Variants in FGD2 observed in about 807,000 individuals in gnomAD.
FGD2 encodes FYVE, RhoGEF and PH domain containing 2, also known as FYVE, RhoGEF and PH domain-containing protein 2.
Under a neutral mutation model 75.9 loss-of-function variants are expected in FGD2, and 52 were observed. The ratio of observed to expected loss-of-function variants is 0.69; its 90% CI spans 0.55 to 0.86. FGD2 has a LOEUF of 0.86. FGD2 is among the 40% of genes least tolerant of loss of function. The probability of loss-of-function intolerance (pLI) is 0.00; values close to 1 mark genes in which losing one functional copy is unlikely to be tolerated. For missense variants in FGD2, 790 were observed against 872.0 expected (o/e 0.91, Z 1.18); for synonymous variants, 347 against 348.6 (o/e 1.00, Z 0.05).
chr6:37,025,919 A>T lies in FGD2; in HGVS notation c.1586A>T (p.Lys529Met). The change falls in exon 14 of 16, where the codon AAG becomes ATG. Residue 529 changes from lysine to methionine, a missense_variant. Lys to Met is a moderately conservative substitution (Grantham distance 95). Transcript: ENST00000274963. The stretch of plus-strand genomic sequence containing the variant: ...GTGCTGCCTGAGGCCAAGGAGGACA[A>T]GAGGCGGGGCATCCTGGAGGTGAGG... ...GNVLPEAKED[K>M]RRGILEKGSS... The T allele has an allele frequency of 6.2e-7, 1 of 1,614,188 alleles. No homozygotes were observed. The highest frequency in any genetic ancestry group is 1.6e-4 in the Middle Eastern group (1 of 6,062).
At chr6:37,013,463 G>A in intron 4 of FGD2, 146 bp from the exon 5 acceptor site, 1 of 1,439,658 alleles carries the variant, frequency 6.9e-7, no homozygotes, top group Non-Finnish European at 9.1e-7. Flanking sequence ...GCGCATGTGA[G>A]GATGACACCC....
In FGD2 at chr6:37,028,390, G is replaced by T; in HGVS notation, c.*227G>T. 1 of 503,570 alleles carries T rather than the reference G, an allele frequency of 2.0e-6. No individual in the cohort carries two copies. The highest frequency in any genetic ancestry group is 3.4e-5 in the Admixed American group (1 of 29,296). The allele number at this position is 503,570 out of a possible 1,614,324, so 31.2% of individuals were successfully genotyped here. ...TGTCTCAGTTTGCCTTGCGGGGAGG[G>T]GGCTCCTGGGCCATGGGACTTCCAG... On this transcript the variant is annotated 3_prime_UTR_variant, in exon 16 of 16. Transcript: ENST00000274963.
rs1764724486 is a variant in FGD2 at position 37,005,867 on chromosome 6, C to T, written c.50C>T (p.Thr17Ile). The T allele has an allele frequency of 6.2e-7, 1 of 1,613,748 alleles. No individual in the cohort carries two copies. Among genetic ancestry groups the T allele is most frequent in the Admixed American group, 1.7e-5 (1 of 60,008 alleles). ...EKLASVSNLVTVFENSRTPEA... is the reference protein window; with the variant it reads ...EKLASVSNLVIVFENSRTPEA... ...CTGGCATCTGTGTCCAACCTGGTCA[C>T]TGTGTTTGAGAATAGCAGGTATGGG... is the stretch of plus-strand genomic sequence containing the variant. The change falls in exon 1 of 16, where the codon ACT (threonine) becomes ATT (isoleucine). Residue 17 changes from threonine to isoleucine, a missense_variant. Transcript: ENST00000274963.
Position 37,005,810 on chromosome 6 carries a change from C to T in FGD2, c.-8C>T. On this transcript the variant is annotated 5_prime_UTR_variant, in exon 1 of 16. Coordinates refer to ENST00000274963, the MANE Select transcript of FGD2 (RefSeq NM_173558.4). Reference sequence around the variant, plus strand: ...GGGTAGCTGAGATCCACCCCGGAAACCGGCAGGATGAAGGGGGCAAGTGAG... The same window carrying T: ...GGGTAGCTGAGATCCACCCCGGAAATCGGCAGGATGAAGGGGGCAAGTGAG... 1.9e-6 allele frequency: 3 copies of T among 1,613,646 alleles called. No individual in the cohort carries two copies. Among genetic ancestry groups the T allele is most frequent in the Non-Finnish European group, 1.7e-6 (2 of 1,179,930 alleles).
At chr6:37,008,575 A>G (rs1450424995) in intron 1 of FGD2, among the ~76,000 whole-genome samples, 2 of 152,212 alleles carry the variant, frequency 1.3e-5, no homozygotes, top group African/African-American at 4.8e-5. Flanking sequence ...CTGTGGCTTC[A>G]TTTTAAACAA....
At chr6:37,025,594 C>A in intron 13 of FGD2, 198 bp from the exon 14 acceptor site, 1 of 602,730 alleles carries the variant, frequency 1.7e-6, no homozygotes. Flanking sequence ...CGAGCTCCCC[C>A]ATGTGTCGCA....
intron 1 of FGD2, among the ~76,000 whole-genome samples, chr6:37,008,540 T>C (rs1280582184): frequency 6.6e-6 from 1 of 152,132 alleles, no homozygotes; most frequent in East Asian, 1.9e-4. Flanking sequence ...CAAAAACCCC[T>C]ATATACAGAA....
rs371584946 is a variant in FGD2, at chr6:37,013,631, GA to G, written c.551del (p.Asp184AlafsTer2). The G allele has an allele frequency of 4.3e-5, 69 of 1,614,048 alleles. No homozygotes were observed. In the East Asian group the frequency reaches 1.5e-3, roughly 35 times the overall value. On this transcript the variant is annotated frameshift_variant, in exon 5 of 16. Transcript: ENST00000274963. LOFTEE classifies it high-confidence loss of function. ...DDWTANPRIG[D>X]VIQKLAPFLK... ...CAGGACAGCTAACCCCCGCATCGGT[GA>G]CGTGATCCAGAAGCTGGCCCCCTTC... is the stretch of plus-strand genomic sequence containing the variant.
chr6:37,024,603 A>G (rs917249956), intron 13 of FGD2: 1 of 152,144 alleles, frequency 6.6e-6, no homozygotes, highest in African/African-American at 2.4e-5. Context: ...TATTTGTTCA[A>G]TTTGTCTGTC....
rs539627477 is a variant in FGD2 at position 37,027,318 on chromosome 6, C to G, written c.1606-111C>G. ...TCTGAGCCTCAAGGACCAAGGACCCCTCCATTCAGTACTGCTGTAAGGATT... is the reference window on the plus strand; with the variant it reads ...TCTGAGCCTCAAGGACCAAGGACCCGTCCATTCAGTACTGCTGTAAGGATT... On this transcript the variant is annotated intron_variant, in intron 14 of 15. Transcript: ENST00000274963. 7 of 1,291,800 alleles carry G rather than the reference C, an allele frequency of 5.4e-6. No homozygotes were observed. In the Admixed American group the frequency reaches 1.2e-4, roughly 21 times the overall value. The allele number at this position is 1,291,800 out of a possible 1,614,324, so 80.0% of individuals were successfully genotyped here.
chr6:37,015,099 C>T, intron 8 of FGD2, 61 bp downstream of exon 8: 1 of 1,568,906 alleles, frequency 6.4e-7, no homozygotes, highest in Non-Finnish European at 8.6e-7. Flanking sequence ...GCCACTCTGG[C>T]CCGAGTCATA....
At chr6:37,017,805 A>G (rs915008155) in intron 9 of FGD2, among the ~76,000 whole-genome samples, 1 of 151,932 alleles carries the variant, frequency 6.6e-6, no homozygotes, top group African/African-American at 2.4e-5. Flanking sequence ...AAAGAGCCCC[A>G]CCCCTGCTCC....
At chr6:37,014,462 C>T in intron 6 of FGD2, 184 bp from the exon 7 acceptor site, 1 of 682,014 alleles carries the variant, frequency 1.5e-6, no homozygotes, top group East Asian at 2.7e-5. Flanking sequence ...CAGTGGCTTC[C>T]AGTCTCTCAG....
intron 12 of FGD2, chr6:37,021,979 T>G: frequency 1.9e-6 from 1 of 520,602 alleles, no homozygotes; most frequent in Non-Finnish European, 3.4e-6. Flanking sequence ...AGATTTGAGC[T>G]GAACTCTGGC....
At chr6:37,014,167 C>T (rs1470223091) in intron 6 of FGD2, 67 bp downstream of exon 6, 1 of 1,535,690 alleles carries the variant, frequency 6.5e-7, no homozygotes, top group Admixed American at 2.1e-5. Flanking sequence ...ACTTACTGAG[C>T]TCCTGCTAAA....
At chr6:37,027,655 T>C (rs1041521866) in intron 15 of FGD2, 80 bp downstream of exon 15, 8 of 1,534,098 alleles carry the variant, frequency 5.2e-6, no homozygotes, top group Non-Finnish European at 6.2e-6. Flanking sequence ...GGGGTGAGTA[T>C]TGCTAGCTCC....
At position 37,023,098 on chromosome 6, in the gene FGD2, C is replaced by G. The variant is rs831498; in HGVS notation, c.1458+728C>G. Reference sequence around the variant, plus strand: ...CGCACCCCCTCAGGCCTTGCCCCACCACCTCACCAGGCCCATGCCCACTAT... The same window carrying G: ...CGCACCCCCTCAGGCCTTGCCCCACGACCTCACCAGGCCCATGCCCACTAT... On this transcript the variant is annotated intron_variant, in intron 13 of 15. Coordinates refer to ENST00000274963, the MANE Select transcript of FGD2 (RefSeq NM_173558.4). The G allele has an allele frequency of 7.4e-3, 1,157 of 155,504 alleles. 24 individuals carry two copies. The highest frequency in any genetic ancestry group is 0.026 in the African/African-American group (1,099 of 41,630). The allele number at this position is 155,504 out of a possible 1,614,324, so 9.6% of individuals were successfully genotyped here. A position where few individuals can be genotyped will look rare whatever the true frequency, so the allele number is the denominator to read the frequency against.
intron 13 of FGD2, chr6:37,023,308 T>G (rs1561940891): frequency 6.5e-6 from 1 of 154,586 alleles, no homozygotes; most frequent in East Asian, 1.9e-4. Context: ...GCAGTGAGGA[T>G]TCCACCAAAA....
At chr6:37,013,570 G>T (rs1353983295) in intron 4 of FGD2, 39 bp from the exon 5 acceptor site, 1 of 1,597,870 alleles carries the variant, frequency 6.3e-7, no homozygotes. Flanking sequence ...TCGAGAGGAG[G>T]TCTCTAGGCT....
Sources: allele counts gnomAD v4.1 joint callset (sites outside exome capture counted in the v4.1 genomes callset), GRCh38; gene constraint gnomAD v4.1.1; transcripts MANE v1.5; gene names NCBI Gene and HGNC (gene_info 2026-07-23, HGNC 2026-07-21).